GALNT14: variants seen among roughly 807,000 people sequenced by gnomAD.
GALNT14 encodes the protein UDP-GalNAc:polypeptide N-acetylgalactosaminyltransferase 14.
In GALNT14, 60 loss-of-function variants were observed where a neutral mutation model predicts 77.5. That is an observed-to-expected ratio of 0.77 (90% confidence interval 0.63 to 0.96). The LOEUF is 0.96. GALNT14 is among the 40% of genes least tolerant of loss of function. The pLI is 0.00. For missense variants in GALNT14, 710 were observed against 731.0 expected (o/e 0.97, Z 0.33); for synonymous variants, 280 against 281.7 (o/e 0.99, Z 0.06).
chr2:31,125,349 CTG>C, intron 1 of GALNT14: 1 of 897,612 alleles, frequency 1.1e-6, no homozygotes, highest in Non-Finnish European at 1.8e-6. Flanking sequence ...CACAAAGACT[CTG>C]TGCCCATAGG....
intron 1 of GALNT14, among the ~76,000 whole-genome samples, chr2:31,082,509 G>A (rs1676205111): frequency 6.6e-6 from 1 of 152,212 alleles, no homozygotes; most frequent in East Asian, 1.9e-4. Flanking sequence ...AAAGGACTAG[G>A]AGGCTGACCT....
intron 1 of GALNT14, among the ~76,000 whole-genome samples, chr2:31,082,015 T>C (rs190242158): frequency 1.3e-3 from 203 of 152,348 alleles, no homozygotes; most frequent in African/African-American, 4.7e-3. Flanking sequence ...AGAGTTGTGT[T>C]GCCTATGTCA....
chr2:30,964,551 G>A (rs941346996), intron 3 of GALNT14, among the ~76,000 whole-genome samples: 3 of 152,292 alleles, frequency 2.0e-5, no homozygotes, highest in Non-Finnish European at 4.4e-5. Context: ...AAGAGCTATT[G>A]CCTGGTTGGG....
chr2:30,953,244 T>C (rs1351386775), intron 6 of GALNT14, among the ~76,000 whole-genome samples: 1 of 152,040 alleles, frequency 6.6e-6, no homozygotes, highest in African/African-American at 2.4e-5. Context: ...GTTCCTCTAC[T>C]TCTATAACCA....
chr2:31,113,332 A>G (rs562437999), intron 1 of GALNT14, among the ~76,000 whole-genome samples: 106 of 152,252 alleles, frequency 7.0e-4, no homozygotes, highest in South Asian at 1.7e-3. Context: ...GGAGAAGGTC[A>G]TTGCAGGGTT....
chr2:30,887,293 A>C, the GALNT14 span, among the ~76,000 whole-genome samples: 10 of 152,186 alleles, frequency 6.6e-5, no homozygotes, highest in Non-Finnish European at 1.3e-4. Flanking sequence ...TTGAGAAACC[A>C]CCAAACTATT....
Position 30,924,053 on chromosome 2 carries a change from C to A in GALNT14, c.1380+66G>T, listed in dbSNP as rs1665197942. On this transcript the variant is annotated intron_variant, in intron 13 of 14. Coordinates refer to ENST00000349752, the MANE Select transcript of GALNT14 (RefSeq NM_024572.4). ...GTCATGTAAGAGCAGGTGATGGAGG[C>A]AGAGTCATCTGGCTGCCTCCCTCTA... The A allele has an allele frequency of 3.2e-6, 5 of 1,574,734 alleles. No homozygotes were observed. The South Asian group carries it at 4.5e-5, about 14-fold the overall frequency.
At chr2:31,095,985 G>A (rs890546834) in intron 1 of GALNT14, among the ~76,000 whole-genome samples, 4 of 152,156 alleles carry the variant, frequency 2.6e-5, no homozygotes, top group African/African-American at 9.7e-5. Context: ...CCTTCTAGAG[G>A]CTCTTAGGAG....
chr2:31,039,152 G>A (rs1672943696), intron 1 of GALNT14, among the ~76,000 whole-genome samples: 1 of 152,142 alleles, frequency 6.6e-6, no homozygotes, highest in African/African-American at 2.4e-5. Context: ...TGTTCTTGTT[G>A]CTTTTATGGA....
rs1040861077 is a variant in GALNT14, at chr2:30,910,793, A to G, written c.*108T>C. 1.3e-5 allele frequency: 16 copies of G among 1,240,990 alleles called. No homozygotes were observed. Among genetic ancestry groups the G allele is most frequent in the Non-Finnish European group, 1.8e-5 (16 of 891,078 alleles). The allele number at this position is 1,240,990 out of a possible 1,614,324, so 76.9% of individuals were successfully genotyped here. A position where few individuals can be genotyped will look rare whatever the true frequency, so the allele number is the denominator to read the frequency against. ...CTGGGGGGCTCTGCCTCCACCTCCC[A>G]GTCCAGGATGTCTGAGGTGGTTGCA... On this transcript the variant is annotated 3_prime_UTR_variant, in exon 15 of 15. Transcript: ENST00000349752.
rs1664310353 is a variant in GALNT14, at chr2:30,910,828, C to T, written c.*73G>A. On this transcript the variant is annotated 3_prime_UTR_variant, in exon 15 of 15. Transcript: ENST00000349752. Reference sequence around the variant, plus strand: ...GTCTGAGGTGGTTGCAGGCTGCTTGCTGCCCAGTTTCCAGTCTGTTCTGGT... The same window carrying T: ...GTCTGAGGTGGTTGCAGGCTGCTTGTTGCCCAGTTTCCAGTCTGTTCTGGT... The T allele has an allele frequency of 6.5e-6, 10 of 1,529,114 alleles. 1 individual carries two copies. The South Asian group carries it at 1.2e-4, about 19-fold the overall frequency. The allele number at this position is 1,529,114 out of a possible 1,614,324, so 94.7% of individuals were successfully genotyped here.
intron 1 of GALNT14, among the ~76,000 whole-genome samples, chr2:31,130,347 G>T (rs1395905767): frequency 6.6e-6 from 1 of 152,222 alleles, no homozygotes; most frequent in Non-Finnish European, 1.5e-5. Context: ...TGACCTTGGG[G>T]CCTGCAGGGA....
intron 13 of GALNT14, among the ~76,000 whole-genome samples, chr2:30,922,238 A>G (rs1369730171): frequency 1.2e-5 from 1 of 85,102 alleles, no homozygotes; most frequent in African/African-American, 4.6e-5. Context: ...AAGTCCAGGT[A>G]GGAGATCTAC....
At chr2:31,039,739 A>T (rs1392652361) in intron 1 of GALNT14, among the ~76,000 whole-genome samples, 1 of 152,170 alleles carries the variant, frequency 6.6e-6, no homozygotes, top group East Asian at 1.9e-4. Context: ...AACTTAAAAG[A>T]ACGTGCAGGC....
chr2:30,942,048 C>T (rs1296350014), intron 9 of GALNT14, among the ~76,000 whole-genome samples, 153 bp downstream of exon 9: 1 of 152,170 alleles, frequency 6.6e-6, no homozygotes, highest in African/African-American at 2.4e-5. Context: ...CCGCTTTCCC[C>T]CAAAAGAGTA....
chr2:30,929,193 G>A (rs1192076745), intron 11 of GALNT14, among the ~76,000 whole-genome samples: 2 of 152,236 alleles, frequency 1.3e-5, no homozygotes, highest in Non-Finnish European at 2.9e-5. Flanking sequence ...TTGCCAGGCA[G>A]TCATTCCACA....
chr2:30,893,009 C>T, the GALNT14 span, among the ~76,000 whole-genome samples: 1 of 152,008 alleles, frequency 6.6e-6, no homozygotes, highest in East Asian at 1.9e-4. Context: ...TTTATAAAAT[C>T]AAATTCAAAA....
chr2:31,064,178 G>C (rs1674788286), intron 1 of GALNT14, among the ~76,000 whole-genome samples: 1 of 152,218 alleles, frequency 6.6e-6, no homozygotes, highest in African/African-American at 2.4e-5. Flanking sequence ...AGTAGGGATA[G>C]AGACTGAAAT....
intron 1 of GALNT14, among the ~76,000 whole-genome samples, chr2:31,029,857 G>A (rs1457085967): frequency 6.6e-6 from 1 of 152,164 alleles, no homozygotes; most frequent in African/African-American, 2.4e-5. Flanking sequence ...TTGTATATTT[G>A]TTACAACAGA....
Sources: allele counts gnomAD v4.1 joint callset (sites outside exome capture counted in the v4.1 genomes callset), GRCh38; gene constraint gnomAD v4.1.1; transcripts MANE v1.5; gene names NCBI Gene and HGNC (gene_info 2026-07-23, HGNC 2026-07-21).